Variants in MTUS2 observed in about 807,000 individuals in gnomAD.
MTUS2 encodes microtubule associated scaffold protein 2, also known as microtubule-associated tumor suppressor candidate 2.
MTUS2 carries 40 observed loss-of-function variants against 114.1 expected under a neutral mutation model. The observed-to-expected ratio is 0.35, with a 90% confidence interval of 0.27 to 0.46. MTUS2 has a LOEUF of 0.46. MTUS2 is among the 20% of genes least tolerant of loss of function. The probability of loss-of-function intolerance (pLI) is 1.00; values close to 1 mark genes in which losing one functional copy is unlikely to be tolerated. For missense variants in MTUS2, 1,679 were observed against 1,705.4 expected (o/e 0.98, Z 0.27); for synonymous variants, 688 against 672.0 (o/e 1.02, Z -0.37).
chr13:28,862,377 G>A (rs577857076), intron 2 of MTUS2, among the ~76,000 whole-genome samples: 4 of 152,220 alleles, frequency 2.6e-5, no homozygotes, highest in African/African-American at 7.2e-5. Flanking sequence ...TTGGAAGGCC[G>A]AGGCGGGTGC....
intron 8 of MTUS2, among the ~76,000 whole-genome samples, chr13:29,400,721 C>T (rs143658903): frequency 9.9e-5 from 15 of 152,152 alleles, no homozygotes; most frequent in South Asian, 2.1e-4. Context: ...CCAGGAAATA[C>T]GCTTAGGAGT....
intron 5 of MTUS2, among the ~76,000 whole-genome samples, chr13:29,134,225 G>A (rs1009705134): frequency 2.6e-5 from 4 of 151,784 alleles, no homozygotes; most frequent in Non-Finnish European, 4.4e-5. Flanking sequence ...TTCTAATGTC[G>A]TCTGGTTGTA....
At chr13:29,365,058 A>C (rs1028520970) in intron 8 of MTUS2, among the ~76,000 whole-genome samples, 1 of 152,196 alleles carries the variant, frequency 6.6e-6, no homozygotes, top group Non-Finnish European at 1.5e-5. Context: ...TGTTGTTCTG[A>C]AAGAATATTA....
At chr13:29,291,073 A>G (rs1898691558) in intron 6 of MTUS2, among the ~76,000 whole-genome samples, 1 of 152,194 alleles carries the variant, frequency 6.6e-6, no homozygotes. Context: ...TTCTGTTAGT[A>G]TGGCCTCCAG....
At chr13:29,244,761 C>T (rs1896850499) in intron 5 of MTUS2, among the ~76,000 whole-genome samples, 1 of 151,342 alleles carries the variant, frequency 6.6e-6, no homozygotes, top group Non-Finnish European at 1.5e-5. Context: ...TCGAGACCAT[C>T]CCGGCTAAAA....
At chr13:29,030,402 C>T (rs144047987) in intron 3 of MTUS2, among the ~76,000 whole-genome samples, 22 of 152,254 alleles carry the variant, frequency 1.4e-4, no homozygotes, top group African/African-American at 5.3e-4. Flanking sequence ...AGTTTCCCTC[C>T]CTGTATCTGG....
intron 2 of MTUS2, among the ~76,000 whole-genome samples, chr13:28,886,448 C>T (rs1304331151): frequency 6.6e-6 from 1 of 151,966 alleles, no homozygotes; most frequent in East Asian, 1.9e-4. Flanking sequence ...AGGCTGAGCC[C>T]ACAGGAAGTG....
intron 7 of MTUS2, among the ~76,000 whole-genome samples, chr13:29,335,343 G>T (rs1901002145): frequency 6.6e-6 from 1 of 152,154 alleles, no homozygotes; most frequent in South Asian, 2.1e-4. Context: ...CCGGTTGTCT[G>T]CTCTCAAACC....
At position 28,956,265 on chromosome 13, in the gene MTUS2, G is replaced by C. The variant is rs112027883; in HGVS notation, c.-242-68192G>C. Among the ~76,000 whole-genome samples, 322 of 152,192 alleles carry C rather than the reference G, an allele frequency of 2.1e-3. 2 individuals carry two copies. Among genetic ancestry groups the C allele is most frequent in the African/African-American group, 6.2e-3 (256 of 41,528 alleles). ...TCACAAGATCATTTCCGCCATGGTT[G>C]TCACTAGCTTTTTTCAGTCCCCACC... On this transcript the variant is annotated intron_variant, in intron 2 of 15. Coordinates refer to ENST00000612955, the MANE Select transcript of MTUS2 (RefSeq NM_001033602.4).
intron 1 of MTUS2, among the ~76,000 whole-genome samples, chr13:28,828,075 C>A (rs1194115224): frequency 6.6e-6 from 1 of 152,140 alleles, no homozygotes; most frequent in African/African-American, 2.4e-5. Context: ...CACCGCTTAT[C>A]CACAACCGTA....
chr13:29,124,117 C>T (rs1297510100), intron 5 of MTUS2, among the ~76,000 whole-genome samples: 1 of 152,150 alleles, frequency 6.6e-6, no homozygotes, highest in Non-Finnish European at 1.5e-5. Flanking sequence ...CTCATTATTC[C>T]ATTGGTAATG....
At chr13:28,849,781 T>C (rs1265976573) in intron 2 of MTUS2, among the ~76,000 whole-genome samples, 1 of 152,078 alleles carries the variant, frequency 6.6e-6, no homozygotes, top group Non-Finnish European at 1.5e-5. Context: ...TCATTGCCCA[T>C]GACGTTCTTC....
intron 2 of MTUS2, among the ~76,000 whole-genome samples, chr13:28,978,213 T>C (rs1196901926): frequency 6.6e-6 from 1 of 152,244 alleles, no homozygotes; most frequent in African/African-American, 2.4e-5. Context: ...TAGGCAAGTG[T>C]CTCAACTACC....
At chr13:29,257,527 A>G (rs1464528599) in intron 5 of MTUS2, among the ~76,000 whole-genome samples, 5 of 152,212 alleles carry the variant, frequency 3.3e-5, no homozygotes. Flanking sequence ...TCAACAATCC[A>G]GTGTTGTTGG....
chr13:29,177,913 G>A (rs1033964138), intron 5 of MTUS2, among the ~76,000 whole-genome samples: 1 of 152,236 alleles, frequency 6.6e-6, no homozygotes, highest in African/African-American at 2.4e-5. Flanking sequence ...AGATTCCCTG[G>A]TGCACTCTTG....
intron 6 of MTUS2, chr13:29,307,189 G>A (rs771287468): frequency 9.3e-5 from 49 of 527,638 alleles, no homozygotes; most frequent in African/African-American, 1.7e-4. Context: ...CGTGACCCAT[G>A]AGAATTATGA....
At chr13:29,361,944 G>T (rs1296604134) in intron 8 of MTUS2, among the ~76,000 whole-genome samples, 1 of 152,182 alleles carries the variant, frequency 6.6e-6, no homozygotes, top group Non-Finnish European at 1.5e-5. Context: ...CCCAGAGTCA[G>T]TTCCATCTCT....
At chr13:28,846,458 C>G (rs1875892809) in intron 2 of MTUS2, among the ~76,000 whole-genome samples, 1 of 152,226 alleles carries the variant, frequency 6.6e-6, no homozygotes, top group Admixed American at 6.5e-5. Context: ...CTCAGTCCAT[C>G]AAGTCAAAAG....
chr13:29,389,363 G>GTATA (rs1566172606), intron 8 of MTUS2, among the ~76,000 whole-genome samples: 1,430 of 57,550 alleles, frequency 0.025, 145 homozygotes, highest in Middle Eastern at 0.043. Context: ...ATATATGTAT[G>GTATA]CACGTGTGTG....
Sources: gnomAD v4.1 joint callset for allele counts (sites outside exome capture counted in the v4.1 genomes callset) on GRCh38, gnomAD v4.1.1 for gene constraint, MANE v1.5 for transcripts, NCBI Gene and HGNC (gene_info 2026-07-23, HGNC 2026-07-21) for gene names.